The following ADARB2 variants were observed in gnomAD, a reference collection of about 807,000 sequenced individuals.
The protein encoded by ADARB2 is adenosine deaminase RNA specific B2 (inactive).
Under a neutral mutation model 62.2 loss-of-function variants are expected in ADARB2, and 25 were observed. That is an observed-to-expected ratio of 0.40 (90% confidence interval 0.29 to 0.56). The LOEUF is 0.56. Among genes scored for constraint, ADARB2 ranks in the 20% least tolerant of loss-of-function variants. ADARB2 has a pLI of 0.43. For synonymous variants in ADARB2, 572 were observed against 500.8 expected, an observed-to-expected ratio of 1.14 and a Z score of -1.90; for missense variants, 1,071 against 1,077.4, an observed-to-expected ratio of 0.99 and a Z score of 0.08.
chr10:1,194,172 G>A (rs1024450323), intron 8 of ADARB2, among the ~76,000 whole-genome samples: 2 of 152,204 alleles, frequency 1.3e-5, no homozygotes, highest in South Asian at 2.1e-4. Flanking sequence ...TTAACCAGCA[G>A]TCCCAGGTAT....
chr10:1,418,362 C>T (rs570833994), intron 1 of ADARB2, among the ~76,000 whole-genome samples: 2 of 152,288 alleles, frequency 1.3e-5, no homozygotes, highest in Admixed American at 6.5e-5. Context: ...TGCTCTGTCC[C>T]GGGCAGTCCC....
chr10:1,612,782 A>C (rs1398966336), intron 1 of ADARB2, among the ~76,000 whole-genome samples: 2 of 152,194 alleles, frequency 1.3e-5, no homozygotes, highest in African/African-American at 2.4e-5. Context: ...TTTTATTTAT[A>C]AGGGCTACGT....
chr10:1,341,496 A>G (rs1407099372), intron 3 of ADARB2, among the ~76,000 whole-genome samples: 1 of 145,958 alleles, frequency 6.9e-6, no homozygotes, highest in Non-Finnish European at 1.5e-5. Context: ...AATAACCAGC[A>G]TCCACCAGAG....
At chr10:1,331,326 A>G (rs1831925927) in intron 3 of ADARB2, among the ~76,000 whole-genome samples, 1 of 152,244 alleles carries the variant, frequency 6.6e-6, no homozygotes, top group African/African-American at 2.4e-5. Context: ...CAATATTCAT[A>G]ATAGACAAAA....
intron 1 of ADARB2, among the ~76,000 whole-genome samples, chr10:1,607,291 A>G (rs1833505897): frequency 6.6e-6 from 1 of 152,186 alleles, no homozygotes. Flanking sequence ...CACGTCCATC[A>G]GAGGCTAGAG....
intron 3 of ADARB2, among the ~76,000 whole-genome samples, chr10:1,331,844 CTT>C (rs560380720): frequency 9.4e-4 from 143 of 152,288 alleles, no homozygotes; most frequent in African/African-American, 3.2e-3. Context: ...ACTTTGAAGA[CTT>C]TAACACACTA....
chr10:1,648,721 C>T (rs78950383), intron 1 of ADARB2, among the ~76,000 whole-genome samples: 442 of 152,242 alleles, frequency 2.9e-3, no homozygotes, highest in Non-Finnish European at 5.1e-3. Flanking sequence ...CGCTGACTAA[C>T]GAAGTCTAGT....
At chr10:1,452,873 A>G (rs1456229279) in intron 1 of ADARB2, among the ~76,000 whole-genome samples, 1 of 152,240 alleles carries the variant, frequency 6.6e-6, no homozygotes, top group East Asian at 1.9e-4. Flanking sequence ...CATTTAAAAA[A>G]GAAATACAGG....
In ADARB2 at chr10:1,514,168, G is replaced by A. The variant is rs1372395968; in HGVS notation, c.101-135008C>T. ...CCAGAGTTGGGTGACAGTGTGAGAC[G>A]CTGTCTCAAAATATATATATATATA... On this transcript the variant is annotated intron_variant, in intron 1 of 9. Coordinates refer to ENST00000381312, the MANE Select transcript of ADARB2 (RefSeq NM_018702.4). Among the ~76,000 whole-genome samples the A allele has an allele frequency of 1.4e-4, 4 of 29,424 alleles. No individual in the cohort carries two copies. In the South Asian group the frequency reaches 5.5e-3, roughly 40 times the overall value. 19.3% of individuals were successfully genotyped at this position (29,424 alleles called of 152,430 possible). A position where few individuals can be genotyped will look rare whatever the true frequency, so the allele number is the denominator to read the frequency against.
chr10:1,633,549 C>CATCTATCTATCTATCTATCT (rs57536419), intron 1 of ADARB2, among the ~76,000 whole-genome samples: 15 of 101,706 alleles, frequency 1.5e-4, no homozygotes, highest in African/African-American at 2.2e-4. Context: ...GTCTATCTAT[C>CATCTATCTATCTATCTATCT]ATCTATCTAT....
At chr10:1,696,959 GATT>G (rs1362448153) in intron 1 of ADARB2, among the ~76,000 whole-genome samples, 2 of 137,676 alleles carry the variant, frequency 1.5e-5, no homozygotes, top group Admixed American at 1.5e-4. Context: ...AACATGATGA[GATT>G]ATTTTGTGAT....
intron 6 of ADARB2, among the ~76,000 whole-genome samples, chr10:1,226,198 G>T (rs568465830): frequency 9.2e-5 from 14 of 152,004 alleles, no homozygotes; most frequent in African/African-American, 3.1e-4. Context: ...CCAGTTGATC[G>T]CATTGGCTAC....
intron 1 of ADARB2, among the ~76,000 whole-genome samples, chr10:1,720,983 C>T (rs910723080): frequency 3.9e-5 from 6 of 152,258 alleles, no homozygotes; most frequent in South Asian, 4.1e-4. Flanking sequence ...TCCCACTGCT[C>T]GGATGAAGAT....
chr10:1,564,824 G>A (rs896278146), intron 1 of ADARB2, among the ~76,000 whole-genome samples: 2 of 146,830 alleles, frequency 1.4e-5, no homozygotes, highest in Non-Finnish European at 1.5e-5. Flanking sequence ...AACAAACCCA[G>A]AGCTTTGTAA....
At chr10:1,510,110 C>CTCTCTCTTTCTTTCTTTCTTTCTTTCTT (rs1554767637) in intron 1 of ADARB2, among the ~76,000 whole-genome samples, 55 of 106,248 alleles carry the variant, frequency 5.2e-4, no homozygotes, top group South Asian at 1.1e-3. Flanking sequence ...CTTTCTTTCT[C>CTCTCTCTTTCTTTCTTTCTTTCTTTCTT]TCTTTCTTTC....
At chr10:1,193,997 T>C (rs149661342) in intron 8 of ADARB2, among the ~76,000 whole-genome samples, 57 of 152,332 alleles carry the variant, frequency 3.7e-4, no homozygotes, top group African/African-American at 1.3e-3. Context: ...TTAGTTGTGA[T>C]CTCTTTAAAT....
At position 1,737,181 on chromosome 10, in the gene ADARB2, G is replaced by A. The variant is rs770270241; in HGVS notation, c.-31C>T. The A allele has an allele frequency of 6.3e-7, 1 of 1,597,444 alleles. No individual in the cohort carries two copies. The highest frequency in any genetic ancestry group is 8.5e-7 in the Non-Finnish European group (1 of 1,176,382). ...AGACCCAGGCGCGGAGCCCAGAGCCGCCTCCCTCCTGCACCTGCACCTGCC... is the reference window on the plus strand; with the variant it reads ...AGACCCAGGCGCGGAGCCCAGAGCCACCTCCCTCCTGCACCTGCACCTGCC... On this transcript the variant is annotated 5_prime_UTR_variant, in exon 1 of 10. Transcript: ENST00000381312.
chr10:1,484,781 G>A (rs181591667), intron 1 of ADARB2, among the ~76,000 whole-genome samples: 2 of 152,214 alleles, frequency 1.3e-5, no homozygotes, highest in South Asian at 2.1e-4. Context: ...GATGGATGTA[G>A]GTACAAATGC....
chr10:1,521,983 G>A (rs745815012), intron 1 of ADARB2, among the ~76,000 whole-genome samples: 6 of 152,078 alleles, frequency 3.9e-5, no homozygotes, highest in Admixed American at 2.6e-4. Context: ...TATTTGGCTC[G>A]GAATAAATCT....
Sources: allele counts gnomAD v4.1 joint callset (sites outside exome capture counted in the v4.1 genomes callset), GRCh38; gene constraint gnomAD v4.1.1; transcripts MANE v1.5; gene names NCBI Gene and HGNC (gene_info 2026-07-23, HGNC 2026-07-21).